TRMT10A: variants seen among roughly 807,000 people sequenced by gnomAD.
The protein encoded by TRMT10A is tRNA methyltransferase 10 homolog A.
Under a neutral mutation model 40.4 loss-of-function variants are expected in TRMT10A, and 37 were observed. The observed-to-expected ratio is 0.92, with a 90% confidence interval of 0.71 to 1.21. The LOEUF is 1.21. TRMT10A is among the 50% of genes most tolerant of loss of function. The probability of loss-of-function intolerance (pLI) is 0.00; values close to 1 mark genes in which losing one functional copy is unlikely to be tolerated. For synonymous variants in TRMT10A, 103 were observed against 134.1 expected (o/e 0.77, Z 1.60); for missense variants, 388 against 404.3 (o/e 0.96, Z 0.35).
chr4:99,552,819 A>G (rs1160123147), intron 6 of TRMT10A, among the ~76,000 whole-genome samples: 2 of 152,106 alleles, frequency 1.3e-5, no homozygotes, highest in Non-Finnish European at 2.9e-5. Flanking sequence ...ACCAGAACTG[A>G]AATGGTCGAA....
intron 2 of TRMT10A, among the ~76,000 whole-genome samples, chr4:99,558,472 G>A (rs1560602922): frequency 6.6e-6 from 1 of 151,938 alleles, no homozygotes. Context: ...AGTTTCATTT[G>A]TTATTGGTAT....
intron 1 of TRMT10A, among the ~76,000 whole-genome samples, chr4:99,561,488 GACTGT>G (rs1724394274): frequency 6.6e-6 from 1 of 152,028 alleles, no homozygotes; most frequent in Admixed American, 6.6e-5. Context: ...CTAAGAAAAC[GACTGT>G]ACTAAGTGAA....
intron 5 of TRMT10A, among the ~76,000 whole-genome samples, chr4:99,555,764 T>C (rs566483646): frequency 1.3e-4 from 20 of 152,322 alleles, no homozygotes; most frequent in African/African-American, 4.6e-4. Flanking sequence ...ATGTGGATAG[T>C]GGCCAGCACA....
rs991539411 is a variant in TRMT10A, at chr4:99,561,372, C to G, written c.-23-2011G>C. 1.1e-4 allele frequency among the ~76,000 whole-genome samples: 16 copies of G among 152,244 alleles called. No individual in the cohort carries two copies. The South Asian group carries it at 1.9e-3, about 18-fold the overall frequency. ...AGTCTTAAGTTAAATTTAATATGAC[C>G]TGTCATAGTACATTAATGTTTCAAT... On this transcript the variant is annotated intron_variant, in intron 1 of 7. Coordinates refer to ENST00000394876, the MANE Select transcript of TRMT10A (RefSeq NM_001134665.3).
rs1723833821 is a variant in TRMT10A at position 99,548,675 on chromosome 4, A to G, written c.*413T>C. 6.5e-6 allele frequency: 1 copy of G among 154,218 alleles called. No individual in the cohort carries two copies. The highest frequency in any genetic ancestry group is 2.0e-4 in the South Asian group (1 of 4,894). The allele number at this position is 154,218 out of a possible 1,614,324, so 9.6% of individuals were successfully genotyped here. ...CATACACAAATGCTGATAGATTGAC[A>G]GTATATTTATGAATATGTGCCCTCA... On this transcript the variant is annotated 3_prime_UTR_variant, in exon 8 of 8. Transcript: ENST00000394876.
intron 5 of TRMT10A, among the ~76,000 whole-genome samples, chr4:99,555,592 T>G (rs902828144): frequency 6.6e-6 from 1 of 152,218 alleles, no homozygotes; most frequent in African/African-American, 2.4e-5. Flanking sequence ...ACCCAAAAGT[T>G]TATCATTTAA....
Position 99,549,155 on chromosome 4 carries a change from G to A in TRMT10A, c.953C>T (p.Ser318Leu). 1 of 1,614,048 alleles carries A rather than the reference G, an allele frequency of 6.2e-7. No homozygotes were observed. Among genetic ancestry groups the A allele is most frequent in the South Asian group, 1.1e-5 (1 of 91,082 alleles). The change falls in exon 8 of 8, where the codon TCA becomes TTA. Residue 318 changes from serine to leucine, a missense_variant. By Grantham distance (145) the Ser-to-Leu change is moderately radical (BLOSUM62 -2). Coordinates refer to ENST00000394876, the MANE Select transcript of TRMT10A (RefSeq NM_001134665.3). ...CTTATCCTGCTTTTCTTCATGTGGTGAATCTAGTTCATTTCTGCTATATTC... is the reference window on the plus strand; with the variant it reads ...CTTATCCTGCTTTTCTTCATGTGGTAAATCTAGTTCATTTCTGCTATATTC... ...EEEYSRNELD[S>L]PHEEKQDKEN...
Position 99,563,945 on chromosome 4 carries a change from C to A in TRMT10A, c.-56G>T. ...AAGAGTTGACAGGGAAGTGAAATCTCAGAAAGAAAGCCTTTCTGGGTTGGC... is the reference window on the plus strand; with the variant it reads ...AAGAGTTGACAGGGAAGTGAAATCTAAGAAAGAAAGCCTTTCTGGGTTGGC... On this transcript the variant is annotated 5_prime_UTR_variant, in exon 1 of 8. Transcript: ENST00000394876. 2 of 957,462 alleles carry A rather than the reference C, an allele frequency of 2.1e-6. No homozygotes were observed. The highest frequency in any genetic ancestry group is 3.2e-6 in the Non-Finnish European group (2 of 620,304). 59.3% of individuals were successfully genotyped at this position (957,462 alleles called of 1,614,324 possible).
At chr4:99,559,820 C>T (rs1385331372) in intron 1 of TRMT10A, among the ~76,000 whole-genome samples, 2 of 151,896 alleles carry the variant, frequency 1.3e-5, no homozygotes, top group East Asian at 3.9e-4. Context: ...ATAACATGGG[C>T]AAGGAATATT....
Position 99,549,003 on chromosome 4 carries a change from T to A in TRMT10A, c.*85A>T. 4 of 1,350,864 alleles carry A rather than the reference T, an allele frequency of 3.0e-6. No individual in the cohort carries two copies. Among genetic ancestry groups the A allele is most frequent in the Admixed American group, 2.6e-5 (1 of 39,104 alleles). 83.7% of individuals were successfully genotyped at this position (1,350,864 alleles called of 1,614,324 possible). A position where few individuals can be genotyped will look rare whatever the true frequency, so the allele number is the denominator to read the frequency against. On this transcript the variant is annotated 3_prime_UTR_variant, in exon 8 of 8. Coordinates refer to ENST00000394876, the MANE Select transcript of TRMT10A (RefSeq NM_001134665.3). The stretch of plus-strand genomic sequence containing the variant: ...AAATCACAACAGAAATAAGAGAAAA[T>A]AAAATGTTCTTCCAATTTCAATATT...
In TRMT10A at chr4:99,558,123, C is replaced by T; in HGVS notation, c.274G>A (p.Val92Ile). 2.5e-6 allele frequency: 4 copies of T among 1,612,784 alleles called. No homozygotes were observed. The highest frequency in any genetic ancestry group is 2.5e-6 in the Non-Finnish European group (3 of 1,179,414). ...PNSDGHDRKR[V>I]RRDVVHSTLR... ...GTGCTATGAACAACATCTCTTCGAA[C>T]ACGTTTTCTGTCATGTCCATCTGAG... Residue 92 changes from valine (V) to isoleucine (I), a missense_variant, in exon 3 of 8, where the codon GTT (valine) becomes ATT (isoleucine). Val to Ile is a conservative substitution (Grantham distance 29, BLOSUM62 3). Transcript: ENST00000394876.
chr4:99,561,501 G>T (rs949421045), intron 1 of TRMT10A, among the ~76,000 whole-genome samples: 2 of 152,140 alleles, frequency 1.3e-5, no homozygotes, highest in Non-Finnish European at 2.9e-5. Context: ...TGTACTAAGT[G>T]AAGTTTTTAG....
In TRMT10A at chr4:99,549,066, A is replaced by C. The variant is rs763961799; in HGVS notation, c.*22T>G. ...TCACTTTCTCCTAATTTTTCCTTAA[A>C]CTAAAAGGAAACCAGGTAACATTAG... On this transcript the variant is annotated 3_prime_UTR_variant, in exon 8 of 8. Transcript: ENST00000394876. 1.9e-6 allele frequency: 3 copies of C among 1,608,134 alleles called. No individual in the cohort carries two copies. The East Asian group carries it at 6.7e-5, about 36-fold the overall frequency.
chr4:99,548,935 C>CTT lies in TRMT10A; in HGVS notation c.*151_*152dup, dbSNP rs35333223. On this transcript the variant is annotated 3_prime_UTR_variant, in exon 8 of 8. Transcript: ENST00000394876. ...ATATTTCCTTACAAAGTTTAAAGGG[C>CTT]TTTTTTTTTTATTATTATTTAGGTC... 320 of 639,678 alleles carry CTT rather than the reference C, an allele frequency of 5.0e-4. No individual in the cohort carries two copies. Among genetic ancestry groups the CTT allele is most frequent in the South Asian group, 1.3e-3 (31 of 24,206 alleles). The allele number at this position is 639,678 out of a possible 1,614,324, so 39.6% of individuals were successfully genotyped here. A position where few individuals can be genotyped will look rare whatever the true frequency, so the allele number is the denominator to read the frequency against.
chr4:99,558,967 T>C (rs1724273324), intron 2 of TRMT10A, among the ~76,000 whole-genome samples, 187 bp downstream of exon 2: 1 of 152,140 alleles, frequency 6.6e-6, no homozygotes, highest in African/African-American at 2.4e-5. Context: ...CAGTTGACAG[T>C]GTTAGCTAAC....
intron 1 of TRMT10A, among the ~76,000 whole-genome samples, chr4:99,560,275 A>G (rs962643860): frequency 1.3e-5 from 2 of 152,212 alleles, no homozygotes; most frequent in Non-Finnish European, 2.9e-5. Flanking sequence ...AAGTTGTGAT[A>G]TAAAAGCAGG....
rs772776923 is a variant in TRMT10A, at chr4:99,549,348, T to A, written c.760A>T (p.Ile254Phe). ...KVLAVNHVFEIILEYLETRDW... is the reference protein window; with the variant it reads ...KVLAVNHVFEFILEYLETRDW... Reference sequence around the variant, plus strand: ...CTTGTTTCCAGGTATTCCAGAATAATTTCAAACACTGCAATAAAGACATAT... The same window carrying A: ...CTTGTTTCCAGGTATTCCAGAATAAATTCAAACACTGCAATAAAGACATAT... Residue 254 changes from isoleucine (I) to phenylalanine (F), a missense_variant, in exon 8 of 8, where the codon ATT (isoleucine) becomes TTT (phenylalanine). By Grantham distance (21) the Ile-to-Phe change is conservative. Transcript: ENST00000394876. 1 of 1,613,982 alleles carries A rather than the reference T, an allele frequency of 6.2e-7. No homozygotes were observed. The highest frequency in any genetic ancestry group is 1.1e-5 in the South Asian group (1 of 91,082).
chr4:99,553,667 G>T, intron 6 of TRMT10A, 118 bp downstream of exon 6: 1 of 993,742 alleles, frequency 1.0e-6, no homozygotes, highest in Non-Finnish European at 1.4e-6. Context: ...GAAGGTGACT[G>T]ACATATAGTA....
chr4:99,554,896 A>G (rs1172508435), intron 5 of TRMT10A, among the ~76,000 whole-genome samples: 1 of 152,198 alleles, frequency 6.6e-6, no homozygotes, highest in East Asian at 1.9e-4. Context: ...TTTGTAAGCC[A>G]CATTGACTGC....
Sources: allele counts gnomAD v4.1 joint callset (sites outside exome capture counted in the v4.1 genomes callset), GRCh38; gene constraint gnomAD v4.1.1; transcripts MANE v1.5; gene names NCBI Gene and HGNC (gene_info 2026-07-23, HGNC 2026-07-21).